Variants in BICC1 observed in about 807,000 individuals in gnomAD.
BICC1 encodes the protein BicC family RNA binding protein 1, also known as protein bicaudal C homolog 1.
In BICC1, 43 loss-of-function variants were observed where a neutral mutation model predicts 111.0. That is an observed-to-expected ratio of 0.39 (90% CI 0.30 to 0.50). The LOEUF is 0.50. Ranked by LOEUF, BICC1 falls within the 20% of genes least tolerant of loss-of-function variation. The pLI is 0.88. For synonymous variants in BICC1, 467 were observed against 434.4 expected, an observed-to-expected ratio of 1.07 and a Z score of -0.93; for missense variants, 1,091 against 1,203.2, an observed-to-expected ratio of 0.91 and a Z score of 1.38.
intron 2 of BICC1, among the ~76,000 whole-genome samples, chr10:58,635,900 T>C (rs894228364): frequency 2.6e-5 from 4 of 152,250 alleles, no homozygotes; most frequent in African/African-American, 4.8e-5. Context: ...TGGCATTTTC[T>C]GGACTAGCCC....
intron 6 of BICC1, among the ~76,000 whole-genome samples, chr10:58,788,808 A>G (rs1237958706): frequency 6.6e-6 from 1 of 152,214 alleles, no homozygotes; most frequent in African/African-American, 2.4e-5. Context: ...CTTGTAGGCC[A>G]GTTGTGGTGG....
chr10:58,803,322 A>G (rs370540443), intron 15 of BICC1, 80 bp downstream of exon 15: 1 of 1,239,542 alleles, frequency 8.1e-7, no homozygotes. Flanking sequence ...AGTGTTCAGC[A>G]GTAGTGCAGA....
intron 1 of BICC1, among the ~76,000 whole-genome samples, chr10:58,544,587 T>A (rs1027680718): frequency 2.6e-5 from 4 of 151,994 alleles, no homozygotes; most frequent in African/African-American, 7.2e-5. Context: ...AGGAAAGAAA[T>A]AGAAAAAAGT....
At chr10:58,548,394 G>A (rs773271489) in intron 1 of BICC1, among the ~76,000 whole-genome samples, 56 of 152,088 alleles carry the variant, frequency 3.7e-4, no homozygotes, top group Middle Eastern at 3.2e-3. Context: ...GGATGCTCAG[G>A]TCAGCATCTT....
intron 1 of BICC1, among the ~76,000 whole-genome samples, chr10:58,594,565 A>G (rs927106780): frequency 4.6e-5 from 7 of 152,200 alleles, no homozygotes; most frequent in Non-Finnish European, 7.3e-5. Flanking sequence ...GGTAGGGGCC[A>G]ATATTCAACA....
chr10:58,614,752 T>G (rs1845545479), intron 1 of BICC1, among the ~76,000 whole-genome samples: 1 of 152,210 alleles, frequency 6.6e-6, no homozygotes, highest in African/African-American at 2.4e-5. Context: ...GAGTTTGTCT[T>G]GAGCAAAATA....
intron 2 of BICC1, chr10:58,650,911 A>G (rs2035411078): frequency 6.6e-6 from 1 of 152,146 alleles, no homozygotes; most frequent in South Asian, 2.1e-4. Context: ...GGTGAAACCA[A>G]CTGCAGTCAG....
At chr10:58,774,668 G>T (rs1842703144) in intron 3 of BICC1, among the ~76,000 whole-genome samples, 1 of 152,020 alleles carries the variant, frequency 6.6e-6, no homozygotes, top group Non-Finnish European at 1.5e-5. Context: ...ATCCTTCATT[G>T]ATATTTCCAA....
intron 17 of BICC1, among the ~76,000 whole-genome samples, chr10:58,808,389 G>A (rs1405834957): frequency 6.6e-6 from 1 of 152,158 alleles, no homozygotes; most frequent in African/African-American, 2.4e-5. Flanking sequence ...ATTCCTTTCA[G>A]CCCATCCTTG....
At chr10:58,542,162 A>AC (rs1564479111) in intron 1 of BICC1, among the ~76,000 whole-genome samples, 1 of 147,118 alleles carries the variant, frequency 6.8e-6, no homozygotes, top group African/African-American at 2.6e-5. Flanking sequence ...AAAAAAAAAA[A>AC]AAAACAAAAA....
chr10:58,583,584 C>CTCTCTG (rs1219991922), intron 1 of BICC1, among the ~76,000 whole-genome samples: 2 of 139,344 alleles, frequency 1.4e-5, no homozygotes, highest in African/African-American at 5.3e-5. Context: ...TTCTCTCTCT[C>CTCTCTG]TGTGTGTGTG....
chr10:58,684,558 T>G (rs566498488), intron 2 of BICC1, among the ~76,000 whole-genome samples: 109 of 152,334 alleles, frequency 7.2e-4, no homozygotes, highest in Middle Eastern at 3.4e-3. Context: ...TCAGAGCCTG[T>G]TATTAGTCTA....
chr10:58,821,083 G>A (rs756805884), intron 20 of BICC1, among the ~76,000 whole-genome samples: 5 of 152,016 alleles, frequency 3.3e-5, no homozygotes, highest in Non-Finnish European at 5.9e-5. Context: ...TGCTCTATAC[G>A]TATTTATTGG....
At chr10:58,525,821 A>G (rs1295766087) in intron 1 of BICC1, among the ~76,000 whole-genome samples, 1 of 152,038 alleles carries the variant, frequency 6.6e-6, no homozygotes, top group East Asian at 1.9e-4. Context: ...ATTAGAGTTT[A>G]TGTAGTTGCT....
intron 3 of BICC1, among the ~76,000 whole-genome samples, chr10:58,741,639 G>T (rs2132606468): frequency 6.6e-6 from 1 of 152,292 alleles, no homozygotes; most frequent in Non-Finnish European, 1.5e-5. Context: ...CATGTTGAGA[G>T]AGGTCTTATA....
chr10:58,586,032 T>C (rs1297489563), intron 1 of BICC1, among the ~76,000 whole-genome samples: 2 of 152,196 alleles, frequency 1.3e-5, no homozygotes, highest in Non-Finnish European at 2.9e-5. Context: ...AGAGACACTC[T>C]CACCTTATTA....
chr10:58,778,619 A>AT (rs1201537021), intron 3 of BICC1, among the ~76,000 whole-genome samples: 3 of 152,176 alleles, frequency 2.0e-5, no homozygotes, highest in African/African-American at 7.2e-5. Flanking sequence ...AATGAGGGGG[A>AT]GTTCATCTTG....
chr10:58,812,852 T>C (rs560065689), intron 17 of BICC1, among the ~76,000 whole-genome samples: 1 of 152,240 alleles, frequency 6.6e-6, no homozygotes, highest in African/African-American at 2.4e-5. Flanking sequence ...CATTACTTTT[T>C]GAAAGGACTT....
intron 1 of BICC1, among the ~76,000 whole-genome samples, chr10:58,557,306 AC>A (rs1225333801): frequency 6.7e-6 from 1 of 148,610 alleles, no homozygotes; most frequent in Non-Finnish European, 1.5e-5. Context: ...ATTGTCTTTA[AC>A]ATTGGTTTTA....
Sources: allele counts gnomAD v4.1 joint callset (sites outside exome capture counted in the v4.1 genomes callset), GRCh38; gene constraint gnomAD v4.1.1; transcripts MANE v1.5; gene names NCBI Gene and HGNC (gene_info 2026-07-23, HGNC 2026-07-21).